The following SOS2 variants were observed in gnomAD, a reference collection of about 807,000 sequenced individuals.
SOS2 encodes son of sevenless homolog 2.
A neutral mutation model predicts 148.2 loss-of-function variants in SOS2; 65 were observed. That is an observed-to-expected ratio of 0.44 (90% CI 0.36 to 0.54). The LOEUF (loss-of-function observed/expected upper bound fraction) is 0.54, where lower values mean the gene tolerates loss of function less well. Among genes scored for constraint, SOS2 ranks in the 20% least tolerant of loss-of-function variants. SOS2 has a pLI of 0.00. For missense variants in SOS2, 1,341 were observed against 1,590.2 expected (o/e 0.84, Z 2.67); for synonymous variants, 539 against 537.1 (o/e 1.00, Z -0.05).
intron 22 of SOS2, 110 bp from the exon 23 acceptor site, chr14:50,118,963 AAACT>A (rs1883409705): frequency 1.6e-6 from 1 of 627,528 alleles, no homozygotes; most frequent in Non-Finnish European, 2.6e-6. Context: ...GGCTCAAAAT[AAACT>A]AATCTGGGTT....
chr14:50,189,193 G>A (rs1412277514), intron 4 of SOS2, among the ~76,000 whole-genome samples: 1 of 150,650 alleles, frequency 6.6e-6, no homozygotes, highest in African/African-American at 2.4e-5. Context: ...GTTGTTGAAG[G>A]TGGGAAATAT....
intron 1 of SOS2, among the ~76,000 whole-genome samples, chr14:50,205,980 TA>T (rs55999609): frequency 0.88 from 133,986 of 151,582 alleles, 59,308 homozygotes; most frequent in East Asian, 0.91. Flanking sequence ...GGATTTATAG[TA>T]AAAATCCCTT....
At chr14:50,162,541 A>G (rs1222322175) in intron 8 of SOS2, among the ~76,000 whole-genome samples, 1 of 152,206 alleles carries the variant, frequency 6.6e-6, no homozygotes, top group African/African-American at 2.4e-5. Context: ...ACTATAAACT[A>G]TTTCATATTC....
chr14:50,158,231 C>T (rs1884879574), intron 11 of SOS2, among the ~76,000 whole-genome samples: 1 of 149,472 alleles, frequency 6.7e-6, no homozygotes, highest in South Asian at 2.1e-4. Context: ...AGTCTACGGT[C>T]CAAAAAAAAA....
chr14:50,145,894 G>T lies in SOS2; in HGVS notation c.2385-298C>A, dbSNP rs112341946. Among the ~76,000 whole-genome samples the T allele has an allele frequency of 1.1e-3, 173 of 152,260 alleles. 1 individual carries two copies. Among genetic ancestry groups the T allele is most frequent in the African/African-American group, 4.0e-3 (165 of 41,552 alleles). On this transcript the variant is annotated intron_variant, in intron 14 of 22. Transcript: ENST00000216373. ...TCATGCCTGTAATCCCAGCGCTTTG[G>T]GAGGCCGAGGCAGATGGATCACCTG...
intron 4 of SOS2, among the ~76,000 whole-genome samples, chr14:50,189,191 A>G (rs1886033289): frequency 6.6e-6 from 1 of 151,414 alleles, no homozygotes; most frequent in Non-Finnish European, 1.5e-5. Flanking sequence ...AAGTTGTTGA[A>G]GGTGGGAAAT....
At chr14:50,227,625 C>T (rs1441088865) in intron 1 of SOS2, among the ~76,000 whole-genome samples, 1 of 152,140 alleles carries the variant, frequency 6.6e-6, no homozygotes, top group Non-Finnish European at 1.5e-5. Context: ...TGGGGTTTCA[C>T]CGTGTTAGCC....
Position 50,145,313 on chromosome 14 carries a change from T to G in SOS2, c.2524A>C (p.Asn842His). Residue 842 changes from asparagine (N) to histidine (H), a missense_variant, in exon 16 of 23, where the codon AAT becomes CAT. By Grantham distance (68) the Asn-to-His change is moderately conservative (BLOSUM62 1). Around this residue, in one of 4 missense-constraint regions of SOS2, gnomAD observed 408 missense variants for 506.6 expected, o/e 0.81. Coordinates refer to ENST00000216373, the MANE Select transcript of SOS2 (RefSeq NM_006939.4). ...WFEKCIVEAENFEERVAVLSR... is the reference protein window; with the variant it reads ...WFEKCIVEAEHFEERVAVLSR... ...AGTACTGCCACCCGTTCTTCAAAAT[T>G]TTCTGCTTCCACAATGCATCTAACA... 3 of 1,602,270 alleles carry G rather than the reference T, an allele frequency of 1.9e-6. No individual in the cohort carries two copies. In the South Asian group the frequency reaches 3.4e-5, roughly 18 times the overall value.
intron 10 of SOS2, 115 bp from the exon 11 acceptor site, chr14:50,158,761 T>C (rs1884897569): frequency 1.5e-6 from 1 of 659,458 alleles, no homozygotes; most frequent in Non-Finnish European, 2.7e-6. Context: ...GCTCCTCAGA[T>C]TGTGGCTTTT....
intron 8 of SOS2, among the ~76,000 whole-genome samples, chr14:50,171,878 G>A (rs1170863376): frequency 6.6e-6 from 1 of 152,026 alleles, no homozygotes; most frequent in Non-Finnish European, 1.5e-5. Context: ...ACCCTTTTCT[G>A]GTTGGCAAAC....
At chr14:50,151,309 T>C (rs1032523675) in intron 13 of SOS2, among the ~76,000 whole-genome samples, 4 of 152,238 alleles carry the variant, frequency 2.6e-5, no homozygotes, top group African/African-American at 9.6e-5. Flanking sequence ...TCATTTGCCA[T>C]GTTTTTCTGT....
At chr14:50,200,897 T>C (rs1421837586) in intron 3 of SOS2, 56 bp downstream of exon 3, 24 of 1,534,330 alleles carry the variant, frequency 1.6e-5, no homozygotes, top group Non-Finnish European at 2.2e-5. Flanking sequence ...AATATAGAAA[T>C]AAAATATTAC....
chr14:50,146,647 AAAAC>A (rs768745358), intron 14 of SOS2, among the ~76,000 whole-genome samples: 3 of 152,090 alleles, frequency 2.0e-5, no homozygotes, highest in Non-Finnish European at 4.4e-5. Flanking sequence ...ACTCTGTCTC[AAAAC>A]AAACAAACAA....
chr14:50,210,640 C>A (rs1296528574), intron 1 of SOS2, among the ~76,000 whole-genome samples: 4 of 151,328 alleles, frequency 2.6e-5, no homozygotes, highest in African/African-American at 9.7e-5. Flanking sequence ...GTACATGTAA[C>A]AAAAGGCTCA....
At chr14:50,221,102 G>A (rs1233769427) in intron 1 of SOS2, among the ~76,000 whole-genome samples, 2 of 152,184 alleles carry the variant, frequency 1.3e-5, no homozygotes, top group African/African-American at 4.8e-5. Flanking sequence ...AGTATTAAAA[G>A]CCATTTTCCC....
chr14:50,209,809 T>C (rs899895223), intron 1 of SOS2, among the ~76,000 whole-genome samples: 1 of 152,000 alleles, frequency 6.6e-6, no homozygotes, highest in African/African-American at 2.4e-5. Context: ...ACCGTGTACC[T>C]TGAGTACCTG....
chr14:50,202,111 T>C (rs1886511089), intron 2 of SOS2, among the ~76,000 whole-genome samples: 1 of 152,086 alleles, frequency 6.6e-6, no homozygotes, highest in African/African-American at 2.4e-5. Flanking sequence ...TACAAGCACA[T>C]ACCCCTACTC....
At chr14:50,216,193 T>C (rs1376537989) in intron 1 of SOS2, among the ~76,000 whole-genome samples, 3 of 151,800 alleles carry the variant, frequency 2.0e-5, no homozygotes, top group Non-Finnish European at 4.4e-5. Context: ...ACCTCCCAGA[T>C]TCAAGAGATC....
rs73283417 is a variant in SOS2 at position 50,154,452 on chromosome 14, C to A, written c.2058-1279G>T. Reference sequence around the variant, plus strand: ...CTTTCAAAACTAAACATACACATACCTTCTGACCCAGCCACTCCACTCTGA... The same window carrying A: ...CTTTCAAAACTAAACATACACATACATTCTGACCCAGCCACTCCACTCTGA... On this transcript the variant is annotated intron_variant, in intron 12 of 22. Transcript: ENST00000216373. Among the ~76,000 whole-genome samples the A allele has an allele frequency of 8.9e-3, 1,348 of 152,200 alleles. 18 individuals carry two copies. The highest frequency in any genetic ancestry group is 0.031 in the African/African-American group (1,286 of 41,528).
Sources: allele counts gnomAD v4.1 joint callset (sites outside exome capture counted in the v4.1 genomes callset), GRCh38; gene constraint gnomAD v4.1.1; regional missense constraint gnomAD v4.1.1; transcripts MANE v1.5; gene names NCBI Gene and HGNC (gene_info 2026-07-23, HGNC 2026-07-21).